TP63: variants seen among roughly 807,000 people sequenced by gnomAD.
TP63 encodes the protein tumor protein p63, also known as tumor protein 63.
TP63 carries 17 observed loss-of-function variants against 82.8 expected under a neutral mutation model. That is an observed-to-expected ratio of 0.21 (90% CI 0.14 to 0.31). The LOEUF (loss-of-function observed/expected upper bound fraction) is 0.31. Ranked by LOEUF, TP63 falls within the 10% of genes least tolerant of loss-of-function variation. The pLI, the probability that TP63 is intolerant of heterozygous loss-of-function variation, is 1.00. For synonymous variants in TP63, 330 were observed against 321.7 expected (o/e 1.03, Z -0.28); for missense variants, 648 against 895.3 (o/e 0.72, Z 3.52).
intron 13 of TP63, 117 bp from the exon 14 acceptor site, chr3:189,894,089 G>A: frequency 1.5e-6 from 2 of 1,306,840 alleles, no homozygotes; most frequent in East Asian, 2.5e-5. Flanking sequence ...CTAATTTGTG[G>A]ATCAATAGAT....
At chr3:189,679,198 C>T (rs188663823) in intron 1 of TP63, among the ~76,000 whole-genome samples, 160 of 151,938 alleles carry the variant, frequency 1.1e-3, no homozygotes, top group African/African-American at 3.5e-3. Context: ...TTTAATTTTC[C>T]GAGAAACTTT....
At chr3:189,875,615 T>TATATATATAC (rs1719036844) in intron 10 of TP63, among the ~76,000 whole-genome samples, 2 of 110,386 alleles carry the variant, frequency 1.8e-5, no homozygotes, top group African/African-American at 3.9e-5. Flanking sequence ...TATATATATA[T>TATATATATAC]ATATATATAT....
intron 1 of TP63, among the ~76,000 whole-genome samples, chr3:189,684,951 A>T (rs1716315771): frequency 6.6e-6 from 1 of 152,098 alleles, no homozygotes; most frequent in South Asian, 2.1e-4. Flanking sequence ...CTTATATATT[A>T]TTTGTGTAAT....
At chr3:189,821,602 A>C (rs1048603935) in intron 4 of TP63, among the ~76,000 whole-genome samples, 1 of 152,238 alleles carries the variant, frequency 6.6e-6, no homozygotes, top group African/African-American at 2.4e-5. Context: ...CCTCGCTTAA[A>C]GCATTCCCAA....
chr3:189,852,398 C>T (rs1384379684), intron 4 of TP63, among the ~76,000 whole-genome samples: 2 of 152,214 alleles, frequency 1.3e-5, no homozygotes, highest in African/African-American at 4.8e-5. Flanking sequence ...TTAACTCATT[C>T]ATTCTGCTTT....
At chr3:189,800,740 C>T (rs1343818659) in intron 3 of TP63, among the ~76,000 whole-genome samples, 3 of 152,004 alleles carry the variant, frequency 2.0e-5, no homozygotes, top group South Asian at 2.1e-4. Flanking sequence ...ATATTAATGC[C>T]ATGTGTCTCA....
intron 1 of TP63, among the ~76,000 whole-genome samples, chr3:189,650,830 G>C (rs1712824260): frequency 6.8e-6 from 1 of 147,362 alleles, no homozygotes; most frequent in African/African-American, 2.5e-5. Context: ...GTAACAGGCA[G>C]AGGCTGGAAC....
rs60097753 is a variant in TP63, at chr3:189,872,400, AACACACACAC to A, written c.1213-435_1213-426del. 4.5e-3 allele frequency among the ~76,000 whole-genome samples: 662 copies of A among 147,112 alleles called. 6 individuals are homozygous for A. The highest frequency in any genetic ancestry group is 0.015 in the African/African-American group (592 of 40,206). ...ACTCATGCCTGAATAAAGTTTCTCT[AACACACACAC>A]ACACACACACACACACACACACATA... On this transcript the variant is annotated intron_variant, in intron 9 of 13. Coordinates refer to ENST00000264731, the MANE Select transcript of TP63 (RefSeq NM_003722.5).
intron 3 of TP63, among the ~76,000 whole-genome samples, chr3:189,800,250 G>T (rs565953219): frequency 6.6e-6 from 1 of 152,054 alleles, no homozygotes; most frequent in African/African-American, 2.4e-5. Context: ...GTTCTATTTG[G>T]CCAGAGCAGA....
In TP63 at chr3:189,875,607, T is replaced by TATATATATATATAC. The variant is rs1553859627; in HGVS notation, c.1349+2625_1349+2626insCATATATATATATA. On this transcript the variant is annotated intron_variant, in intron 10 of 13. Transcript: ENST00000264731. Reference sequence around the variant, plus strand: ...AAAAATACATACATATATATATATATATATATATATATATATATATATATA... The same window carrying TATATATATATATAC: ...AAAAATACATACATATATATATATATATATATATATATACATATATATATATATATATATATATA... 3.2e-3 allele frequency among the ~76,000 whole-genome samples: 181 copies of TATATATATATATAC among 56,088 alleles called. 8 individuals carry two copies. Among genetic ancestry groups the TATATATATATATAC allele is most frequent in the Middle Eastern group, 0.011 (1 of 92 alleles). 36.8% of individuals were successfully genotyped at this position (56,088 alleles called of 152,430 possible). A position where few individuals can be genotyped will look rare whatever the true frequency, so the allele number is the denominator to read the frequency against.
chr3:189,737,787 G>A lies in TP63; in HGVS notation c.110G>A (p.Arg37Gln), dbSNP rs754361670. The part of the protein sequence containing the change: ...AHFSWKESYY[R>Q]STMSQSTQTN... ...TTCTCTTGGAAAGAAAGTTATTACC[G>A]ATCCACCATGTCCCAGAGCACACAG... is the stretch of plus-strand genomic sequence containing the variant. Residue 37 changes from arginine (R) to glutamine (Q), a missense_variant, in exon 2 of 14, where the codon CGA (arginine) becomes CAA (glutamine). Around this residue, in one of 5 missense-constraint regions of TP63, gnomAD observed 182 missense variants for 213.6 expected, o/e 0.85. Coordinates refer to ENST00000264731, the MANE Select transcript of TP63 (RefSeq NM_003722.5). The A allele has an allele frequency of 1.5e-5, 24 of 1,613,752 alleles. No individual in the cohort carries two copies. In the Admixed American group the frequency reaches 2.5e-4, roughly 17 times the overall value.
chr3:189,715,907 A>G (rs1718923780), intron 1 of TP63, among the ~76,000 whole-genome samples: 1 of 152,158 alleles, frequency 6.6e-6, no homozygotes, highest in African/African-American at 2.4e-5. Context: ...CCCTTAGCTC[A>G]TTATTCTCAG....
intron 2 of TP63, 23 bp from the exon 3 acceptor site, chr3:189,738,619 C>CT: frequency 6.2e-7 from 1 of 1,614,042 alleles, no homozygotes. Context: ...GCCTAACTCA[C>CT]TTTTTTCTTT....
intron 1 of TP63, among the ~76,000 whole-genome samples, chr3:189,682,633 A>G (rs1221284110): frequency 6.7e-6 from 1 of 148,728 alleles, no homozygotes; most frequent in African/African-American, 2.5e-5. Flanking sequence ...ATTATTTATA[A>G]TTGCAAAAAA....
At chr3:189,678,817 T>C (rs537697398) in intron 1 of TP63, among the ~76,000 whole-genome samples, 1 of 152,208 alleles carries the variant, frequency 6.6e-6, no homozygotes, top group South Asian at 2.1e-4. Flanking sequence ...GTAGAGACCT[T>C]TCACCTCCTT....
intron 1 of TP63, among the ~76,000 whole-genome samples, chr3:189,706,145 C>A (rs941411334): frequency 6.6e-6 from 1 of 152,156 alleles, no homozygotes; most frequent in African/African-American, 2.4e-5. Context: ...AGCCCACCCT[C>A]CCCTACAAAT....
intron 1 of TP63, among the ~76,000 whole-genome samples, chr3:189,705,711 A>T (rs1718145969): frequency 6.6e-6 from 1 of 152,118 alleles, no homozygotes; most frequent in African/African-American, 2.4e-5. Context: ...GTTTTCAAGA[A>T]CCTTGATAAA....
At chr3:189,887,940 T>G (rs975664364) in intron 11 of TP63, among the ~76,000 whole-genome samples, 6 of 150,662 alleles carry the variant, frequency 4.0e-5, no homozygotes, top group Non-Finnish European at 5.9e-5. Flanking sequence ...CACTGTAATC[T>G]CTGCCTCCCA....
chr3:189,837,084 G>A (rs16864828), intron 4 of TP63, among the ~76,000 whole-genome samples: 3 of 151,986 alleles, frequency 2.0e-5, no homozygotes, highest in East Asian at 1.9e-4. Context: ...CACGGTGTAC[G>A]ATGCTTCCAA....
Sources: gnomAD v4.1 joint callset for allele counts (sites outside exome capture counted in the v4.1 genomes callset) on GRCh38, gnomAD v4.1.1 for gene constraint, gnomAD v4.1.1 regional missense constraint, MANE v1.5 for transcripts, NCBI Gene and HGNC (gene_info 2026-07-23, HGNC 2026-07-21) for gene names.